The following MYO15B variants were observed in gnomAD, a reference collection of about 807,000 sequenced individuals.
MYO15B encodes myosin XVB.
Under a neutral mutation model 119.3 loss-of-function variants are expected in MYO15B, and 207 were observed. The observed-to-expected ratio is 1.73, with a 90% CI of 1.55 to 1.95. The LOEUF is 1.95. Ranked by LOEUF, MYO15B falls within the 30% of genes most tolerant of loss-of-function variation. The pLI is 0.00. For synonymous variants in MYO15B, 966 were observed against 498.9 expected, an observed-to-expected ratio of 1.94 and a Z score of -12.48; for missense variants, 2,264 against 1,203.1, an observed-to-expected ratio of 1.88 and a Z score of -13.04.
At chr17:75,620,927 G>A (rs1339850170) in intron 49 of MYO15B, 104 bp from the exon 50 acceptor site, 1 of 702,460 alleles carries the variant, frequency 1.4e-6, no homozygotes, top group South Asian at 1.5e-5. Flanking sequence ...CTGGCTTCTG[G>A]TCTTGCTCCT....
exon 1 of MYO15B, chr17:75,588,751 G>T (rs2056220912): frequency 2.5e-6 from 1 of 398,850 alleles, no homozygotes; most frequent in Non-Finnish European, 4.4e-6. Context: ...GCCCCTGGGA[G>T]CCAGCGAGCA....
At chr17:75,601,276 C>T (rs115649933) in intron 14 of MYO15B, among the ~76,000 whole-genome samples, 162 bp from the exon 15 acceptor site, 2,647 of 152,230 alleles carry the variant, frequency 0.017, 79 homozygotes, top group African/African-American at 0.059. Context: ...TATCCTCAAA[C>T]GATCCGACCA....
intron 25 of MYO15B, 59 bp from the exon 26 acceptor site, chr17:75,612,739 G>T (rs925356320): frequency 4.3e-6 from 3 of 699,502 alleles, no homozygotes; most frequent in African/African-American, 3.5e-5. Flanking sequence ...CTCCGGTGGG[G>T]CTCCCCTGGG....
In MYO15B at chr17:75,626,085, C is replaced by G; in HGVS notation, c.9073-3C>G. ...GACCAGCCCTGCTCTCTGCTGCCCC[C>G]AGAGCCTGTACTGCCGCATTGCCCT... On this transcript the variant is annotated splice_polypyrimidine_tract_variant and splice_region_variant and intron_variant, in intron 62 of 63. Transcript: ENST00000645453. 1.4e-6 allele frequency: 1 copy of G among 702,638 alleles called. No individual in the cohort carries two copies. The allele number at this position is 702,638 out of a possible 1,614,324, so 43.5% of individuals were successfully genotyped here.
chr17:75,624,433 A>AT lies in MYO15B; in HGVS notation c.8432dup (p.Gln2812ProfsTer75). 1 of 702,766 alleles carries AT rather than the reference A, an allele frequency of 1.4e-6. No individual in the cohort carries two copies. The highest frequency in any genetic ancestry group is 2.7e-5 in the East Asian group (1 of 37,280). The allele number at this position is 702,766 out of a possible 1,614,324, so 43.5% of individuals were successfully genotyped here. ...GGGGGGTGTGGATTATAGGACGAAT[A>AT]TCCAGACTTTCACAGTGAGCTTGGG... On this transcript the variant is annotated frameshift_variant, in exon 57 of 64. Transcript: ENST00000645453. LOFTEE classifies it high-confidence loss of function.
intron 9 of MYO15B, 107 bp from the exon 10 acceptor site, chr17:75,594,368 C>T (rs2056708436): frequency 7.1e-6 from 4 of 559,822 alleles, no homozygotes; most frequent in Non-Finnish European, 9.5e-6. Flanking sequence ...TGACATATCT[C>T]CCCTTTGGTG....
chr17:75,596,654 T>C (rs1216244329), intron 13 of MYO15B, 99 bp downstream of exon 13: 1 of 681,440 alleles, frequency 1.5e-6, no homozygotes, highest in Non-Finnish European at 2.7e-6. Context: ...GAGCTCTGCC[T>C]GGAAGGCCCC....
exon 39 of MYO15B, chr17:75,616,693 C>G (rs1157990111): frequency 1.4e-6 from 1 of 702,978 alleles, no homozygotes. Context: ...ACTCCAAGCC[C>G]AAGCGGCCAC....
At chr17:75,594,844 G>A (rs1421464002) in exon 12 of MYO15B, 5 of 702,900 alleles carry the variant, frequency 7.1e-6, no homozygotes, top group Admixed American at 4.0e-5. Context: ...CTACAGGGAC[G>A]CCCTGGCCAA....
At chr17:75,616,766 G>C (rs1160030423) in exon 39 of MYO15B, 1 of 703,034 alleles carries the variant, frequency 1.4e-6, no homozygotes, top group Non-Finnish European at 2.6e-6. Context: ...CCCCGTGCCT[G>C]TGCCCGTGCA....
exon 1 of MYO15B, chr17:75,587,912 G>A: frequency 2.5e-6 from 1 of 396,282 alleles, no homozygotes; most frequent in Middle Eastern, 6.3e-4. Context: ...GGTCCTGTAA[G>A]GCGGGCACCT....
At chr17:75,602,667 C>A in intron 16 of MYO15B, 73 bp downstream of exon 16, 1 of 612,150 alleles carries the variant, frequency 1.6e-6, no homozygotes, top group East Asian at 2.7e-5. Context: ...TCCCCCTGGG[C>A]GCTCTTGCCC....
At chr17:75,619,514 C>T (rs2058576063) in intron 45 of MYO15B, 38 bp downstream of exon 45, 1 of 695,430 alleles carries the variant, frequency 1.4e-6, no homozygotes, top group Admixed American at 2.0e-5. Flanking sequence ...GATGCCAGGC[C>T]CCCAGCCTGG....
intron 9 of MYO15B, 53 bp downstream of exon 9, chr17:75,592,893 G>A: frequency 2.9e-6 from 2 of 678,458 alleles, no homozygotes; most frequent in East Asian, 2.7e-5. Flanking sequence ...TGTAGAATCA[G>A]GGCAGTGGTA....
At chr17:75,608,115 T>TTTAA (rs1474348247) in intron 21 of MYO15B, among the ~76,000 whole-genome samples, 1 of 152,156 alleles carries the variant, frequency 6.6e-6, no homozygotes, top group African/African-American at 2.4e-5. Flanking sequence ...GTTTTTAGTT[T>TTTAA]TTAATTAATT....
At chr17:75,611,971 C>A (rs1046767786) in exon 25 of MYO15B, 3 of 703,018 alleles carry the variant, frequency 4.3e-6, no homozygotes, top group Non-Finnish European at 7.8e-6. Context: ...TCCCAGCAGA[C>A]ATTGACCTGT....
chr17:75,589,470 C>CCGCTG lies in MYO15B; in HGVS notation c.1413_1414insCGCTG (p.Glu472ArgfsTer28). ...GGAAAGCGGACGAGGGGCGGGGTCACGAGAGAGGTGACGAGGGCCGGGACC... is the reference window on the plus strand; with the variant it reads ...GGAAAGCGGACGAGGGGCGGGGTCACCGCTGGAGAGAGGTGACGAGGGCCGGGACC... On this transcript the variant is annotated frameshift_variant, in exon 1 of 64. Transcript: ENST00000645453. LOFTEE classifies it high-confidence loss of function. This position sits in a 1 kb window ranked among gnomAD's most constrained non-coding sequence, Gnocchi z 4.2. 2.5e-6 allele frequency: 1 copy of CCGCTG among 392,962 alleles called. No individual in the cohort carries two copies. Among genetic ancestry groups the CCGCTG allele is most frequent in the African/African-American group, 2.1e-5 (1 of 47,292 alleles). 24.3% of individuals were successfully genotyped at this position (392,962 alleles called of 1,614,324 possible).
At chr17:75,624,233 G>A in exon 56 of MYO15B, 1 of 703,018 alleles carries the variant, frequency 1.4e-6, no homozygotes, top group East Asian at 2.7e-5. Context: ...GGGGGCGCCG[G>A]CGGATGCCCC....
At chr17:75,596,331 A>G (rs1230487991) in intron 12 of MYO15B, 129 bp from the exon 13 acceptor site, 1 of 620,178 alleles carries the variant, frequency 1.6e-6, no homozygotes, top group Non-Finnish European at 2.9e-6. Flanking sequence ...TTTAGACTTG[A>G]CCCTGTTGGC....
Sources: gnomAD v4.1 joint callset for allele counts (sites outside exome capture counted in the v4.1 genomes callset) on GRCh38, gnomAD v4.1.1 for gene constraint, Gnocchi (gnomAD v3.1) non-coding constraint, MANE v1.5 for transcripts, NCBI Gene and HGNC (gene_info 2026-07-23, HGNC 2026-07-21) for gene names.